GREB1L: variants seen among roughly 807,000 people sequenced by gnomAD.
GREB1L encodes the protein GREB1-like protein.
A neutral mutation model predicts 200.8 loss-of-function variants in GREB1L; 17 were observed. The observed-to-expected ratio is 0.08, with a 90% CI of 0.06 to 0.13. GREB1L has a LOEUF of 0.13. Among genes scored for constraint, GREB1L ranks in the 10% least tolerant of loss-of-function variants. The pLI, the probability that GREB1L is intolerant of heterozygous loss-of-function variation, is 1.00. For missense variants in GREB1L, 1,657 were observed against 2,367.7 expected (o/e 0.70, Z 6.23); for synonymous variants, 789 against 893.0 (o/e 0.88, Z 2.08).
chr18:21,312,076 G>A (rs531995171), intron 1 of GREB1L, among the ~76,000 whole-genome samples: 2 of 152,038 alleles, frequency 1.3e-5, no homozygotes, highest in Non-Finnish European at 2.9e-5. Flanking sequence ...GTTAGAACAC[G>A]TGGTATTTGG....
chr18:21,423,297 T>A (rs976537383), intron 7 of GREB1L, among the ~76,000 whole-genome samples: 1 of 152,176 alleles, frequency 6.6e-6, no homozygotes, highest in African/African-American at 2.4e-5. Context: ...TTAAAAGCTG[T>A]TTGCATTTTT....
At chr18:21,445,034 C>G (rs1323280906) in intron 11 of GREB1L, among the ~76,000 whole-genome samples, 1 of 152,150 alleles carries the variant, frequency 6.6e-6, no homozygotes, top group African/African-American at 2.4e-5. Flanking sequence ...CTCCGAAGCC[C>G]CAAAGTGGGT....
At chr18:21,472,903 A>G (rs2035539254) in intron 15 of GREB1L, 128 bp from the exon 16 acceptor site, 1 of 570,294 alleles carries the variant, frequency 1.8e-6, no homozygotes, top group Non-Finnish European at 3.0e-6. Flanking sequence ...AAGAAAAAAC[A>G]TCTGCTCTGT....
intron 1 of GREB1L, among the ~76,000 whole-genome samples, chr18:21,262,852 GA>G (rs1419366431): frequency 1.3e-5 from 2 of 152,168 alleles, no homozygotes; most frequent in Non-Finnish European, 2.9e-5. Flanking sequence ...AAGTTAGTAT[GA>G]ATATTTTTAA....
intron 2 of GREB1L, among the ~76,000 whole-genome samples, chr18:21,371,449 C>T (rs1302137690): frequency 2.0e-5 from 3 of 150,366 alleles, no homozygotes; most frequent in South Asian, 2.1e-4. Flanking sequence ...ATATCCTCAA[C>T]GTGGCACAAT....
chr18:21,518,148 G>A lies in GREB1L; in HGVS notation c.5386G>A (p.Ala1796Thr), dbSNP rs1239460760. The change falls in exon 31 of 33, where the codon GCC becomes ACC. Residue 1796 changes from alanine (A) to threonine (T), a missense_variant. By Grantham distance (58) the Ala-to-Thr change is moderately conservative (BLOSUM62 0). Transcript: ENST00000424526. ...TCTCCTGGAGAAATTCCTTCAGCAC[G>A]CCTCATATAAACTCTTCCCCAAAGC... ...QFLLEKFLQH[A>T]SYKLFPKAIH... is the part of the protein sequence containing the mutation. 20 of 1,551,466 alleles carry A rather than the reference G, an allele frequency of 1.3e-5. No individual in the cohort carries two copies. The highest frequency in any genetic ancestry group is 2.4e-5 in the East Asian group (1 of 40,926).
chr18:21,479,670 C>G (rs1374101712), intron 17 of GREB1L, among the ~76,000 whole-genome samples: 1 of 150,644 alleles, frequency 6.6e-6, no homozygotes, highest in Non-Finnish European at 1.5e-5. Context: ...CATAGCAAGA[C>G]CCTGTCTCAA....
intron 7 of GREB1L, among the ~76,000 whole-genome samples, chr18:21,431,994 C>A (rs1168367566): frequency 7.0e-6 from 1 of 142,806 alleles, no homozygotes; most frequent in Non-Finnish European, 1.5e-5. Flanking sequence ...ATGATCTCAG[C>A]TCACTGCAAG....
At chr18:21,454,167 G>A (rs2034649979) in intron 14 of GREB1L, among the ~76,000 whole-genome samples, 199 bp from the exon 15 acceptor site, 1 of 152,140 alleles carries the variant, frequency 6.6e-6, no homozygotes, top group Admixed American at 6.5e-5. Context: ...ATCCACTCCT[G>A]AGCACATCCT....
chr18:21,429,109 CCCTTCCTTCCTTCCTT>C lies in GREB1L; in HGVS notation c.833-10388_833-10373del, dbSNP rs138864682. Among the ~76,000 whole-genome samples, 17 of 109,990 alleles carry C rather than the reference CCCTTCCTTCCTTCCTT, an allele frequency of 1.5e-4. No homozygotes were observed. The South Asian group carries it at 3.3e-3, about 21-fold the overall frequency. 72.2% of individuals were successfully genotyped at this position (109,990 alleles called of 152,430 possible). A position where few individuals can be genotyped will look rare whatever the true frequency, so the allele number is the denominator to read the frequency against. ...ATTCATGTGTTTCATAAACTATTCT[CCCTTCCTTCCTTCCTT>C]CCTTCCTTCCTTCCTTCCTTCCTCC... On this transcript the variant is annotated intron_variant, in intron 7 of 32. Transcript: ENST00000424526.
intron 28 of GREB1L, among the ~76,000 whole-genome samples, chr18:21,515,173 C>A (rs1401009866): frequency 6.6e-6 from 1 of 152,202 alleles, no homozygotes; most frequent in Non-Finnish European, 1.5e-5. Context: ...TTCACTCTGA[C>A]ACAGGCCGGA....
chr18:21,336,522 G>T (rs1335065710), intron 1 of GREB1L, among the ~76,000 whole-genome samples: 2 of 152,170 alleles, frequency 1.3e-5, no homozygotes, highest in Admixed American at 6.5e-5. Context: ...ATTCACCCCA[G>T]CTGCCCGCAT....
At chr18:21,445,387 T>A (rs531966790) in intron 11 of GREB1L, among the ~76,000 whole-genome samples, 11 of 152,146 alleles carry the variant, frequency 7.2e-5, no homozygotes, top group Middle Eastern at 3.4e-3. Flanking sequence ...GGCAAAAGAA[T>A]TGCTTGAACC....
chr18:21,371,057 A>G (rs2039852769), intron 2 of GREB1L, among the ~76,000 whole-genome samples: 1 of 151,992 alleles, frequency 6.6e-6, no homozygotes. Context: ...CTGCACTCCA[A>G]TCTGGTCAAC....
In GREB1L at chr18:21,518,179, A is replaced by G. The variant is rs1249156058; in HGVS notation, c.5417A>G (p.His1806Arg). The G allele has an allele frequency of 2.6e-6, 4 of 1,551,698 alleles. No individual in the cohort carries two copies. The highest frequency in any genetic ancestry group is 2.4e-5 in the East Asian group (1 of 40,914). ...TATAAACTCTTCCCCAAAGCCATCCATAACTTCAGGAGTCCTGTGCTGGCC... is the reference window on the plus strand; with the variant it reads ...TATAAACTCTTCCCCAAAGCCATCCGTAACTTCAGGAGTCCTGTGCTGGCC... ...ASYKLFPKAI[H>R]NFRSPVLAID... Residue 1806 changes from histidine to arginine, a missense_variant, in exon 31 of 33, where the codon CAT becomes CGT. Coordinates refer to ENST00000424526, the MANE Select transcript of GREB1L (RefSeq NM_001142966.3).
At chr18:21,334,619 A>C (rs551760347) in intron 1 of GREB1L, among the ~76,000 whole-genome samples, 19 of 152,186 alleles carry the variant, frequency 1.2e-4, no homozygotes, top group South Asian at 6.2e-4. Flanking sequence ...ACAACAACAA[A>C]AAAAATTAGC....
At chr18:21,271,200 GTT>G (rs1387140086) in intron 1 of GREB1L, among the ~76,000 whole-genome samples, 2 of 152,142 alleles carry the variant, frequency 1.3e-5, no homozygotes, top group African/African-American at 4.8e-5. Flanking sequence ...GAACTGAGTG[GTT>G]TTGGGCCCAT....
rs1303435428 is a variant in GREB1L, at chr18:21,473,081, G to A, written c.2233G>A (p.Ala745Thr). The A allele has an allele frequency of 6.5e-7, 1 of 1,550,352 alleles. No individual in the cohort carries two copies. Among genetic ancestry groups the A allele is most frequent in the African/African-American group, 1.4e-5 (1 of 72,944 alleles). The change falls in exon 16 of 33, where the codon GCA becomes ACA. Residue 745 changes from alanine (A) to threonine (T), a missense_variant. Coordinates refer to ENST00000424526, the MANE Select transcript of GREB1L (RefSeq NM_001142966.3). ...GGAAAATGGGACAGCCCATCAGAGAGCAGAAAAATATGTTGTTCGTCTAGA... is the reference window on the plus strand; with the variant it reads ...GGAAAATGGGACAGCCCATCAGAGAACAGAAAAATATGTTGTTCGTCTAGA... Reference protein sequence around the residue: ...LEENGTAHQRAEKYVVRLDNE... With the variant: ...LEENGTAHQRTEKYVVRLDNE...
chr18:21,492,685 A>C (rs2036388922), intron 19 of GREB1L, among the ~76,000 whole-genome samples: 1 of 152,228 alleles, frequency 6.6e-6, no homozygotes. Flanking sequence ...ATTAGTTGAC[A>C]ATCACTGTGC....
Sources: gnomAD v4.1 joint callset for allele counts (sites outside exome capture counted in the v4.1 genomes callset) on GRCh38, gnomAD v4.1.1 for gene constraint, MANE v1.5 for transcripts, NCBI Gene and HGNC (gene_info 2026-07-23, HGNC 2026-07-21) for gene names.